The following CDH22 variants were observed in gnomAD, a reference collection of about 807,000 sequenced individuals.
CDH22 encodes cadherin-22.
Under a neutral mutation model 58.4 loss-of-function variants are expected in CDH22, and 30 were observed. That is an observed-to-expected ratio of 0.51 (90% CI 0.38 to 0.70). CDH22 has a LOEUF of 0.70. CDH22 is among the 30% of genes least tolerant of loss of function. The probability of loss-of-function intolerance (pLI) is 0.00; values close to 1 mark genes in which losing one functional copy is unlikely to be tolerated. For synonymous variants in CDH22, 513 were observed against 558.2 expected (o/e 0.92, Z 1.14); for missense variants, 1,014 against 1,233.9 (o/e 0.82, Z 2.67).
rs2085827644 is a variant in CDH22, at chr20:46,186,694, G to A, written c.1557C>T (p.Thr519=). 2 of 1,613,704 alleles carry A rather than the reference G, an allele frequency of 1.2e-6. No individual in the cohort carries two copies. The highest frequency in any genetic ancestry group is 1.7e-5 in the Admixed American group (1 of 59,976). Residue 519 remains threonine (T), a synonymous_variant, in exon 10 of 12, where the codon ACC becomes ACT. Transcript: ENST00000537909. ...GCTCGTCTCTGTCCACCACGCTGATGGTCTGGATGAGCTGAAGGGTGAGGA... is the reference window on the plus strand; with the variant it reads ...GCTCGTCTCTGTCCACCACGCTGATAGTCTGGATGAGCTGAAGGGTGAGGA... ...EDAKPGQLIQ[T]ISVVDRDEPQ...
intron 1 of CDH22, among the ~76,000 whole-genome samples, chr20:46,265,370 A>G (rs1183543934): frequency 6.6e-6 from 1 of 152,142 alleles, no homozygotes; most frequent in Non-Finnish European, 1.5e-5. Context: ...TTCAGCCTTG[A>G]TAATGAAAGC....
In CDH22 at chr20:46,210,791, A is replaced by T. The variant is rs531802706; in HGVS notation, c.1033-231T>A. On this transcript the variant is annotated intron_variant, in intron 6 of 11. Coordinates refer to ENST00000537909, the MANE Select transcript of CDH22 (RefSeq NM_021248.3). The surrounding 1 kb of genome is among the most constrained non-coding windows in gnomAD (Gnocchi z 4.5). The stretch of plus-strand genomic sequence containing the variant: ...TCTTGCCTAAGGACACAGCCACTCC[A>T]GGCTAACGCGCTGAGCACCCAAACT... 1.1e-4 allele frequency among the ~76,000 whole-genome samples: 16 copies of T among 152,336 alleles called. No individual in the cohort carries two copies. In the East Asian group the frequency reaches 2.3e-3, roughly 22 times the overall value.
At chr20:46,207,074 C>T (rs2145682411) in intron 7 of CDH22, among the ~76,000 whole-genome samples, 1 of 152,288 alleles carries the variant, frequency 6.6e-6, no homozygotes, top group South Asian at 2.1e-4. Context: ...CTTGGTGTCC[C>T]CAGGCCTGGC....
intron 1 of CDH22, among the ~76,000 whole-genome samples, chr20:46,296,296 A>G (rs1440071685): frequency 6.6e-6 from 1 of 152,320 alleles, no homozygotes; most frequent in Non-Finnish European, 1.5e-5. Context: ...ACCCACTGTG[A>G]GGACACTATT....
chr20:46,178,156 G>A lies in CDH22; in HGVS notation c.1705C>T (p.Arg569Trp), dbSNP rs1342674990. The A allele has an allele frequency of 2.5e-6, 4 of 1,613,902 alleles. No individual in the cohort carries two copies. The highest frequency in any genetic ancestry group is 1.7e-5 in the Admixed American group (1 of 60,004). Reference protein sequence around the residue: ...AVHTQHVGFNRQEQDVFFLPI... With the variant: ...AVHTQHVGFNWQEQDVFFLPI... ...AGGAAGAACACGTCCTGCTCCTGCC[G>A]GTTGAAGCCCACGTGCTGCGTGTGC... Residue 569 changes from arginine (R) to tryptophan (W), a missense_variant, in exon 11 of 12, where the codon CGG becomes TGG. Around this residue, in one of 2 missense-constraint regions of CDH22, gnomAD observed 806 missense variants for 1,038.7 expected, o/e 0.78. Transcript: ENST00000537909.
intron 3 of CDH22, among the ~76,000 whole-genome samples, chr20:46,236,210 CTCGTGAG>C (rs2086250194): frequency 1.3e-5 from 2 of 152,000 alleles, no homozygotes; most frequent in Non-Finnish European, 2.9e-5. Context: ...CAGCCCAGAC[CTCGTGAG>C]CCAGAAACGC....
intron 4 of CDH22, among the ~76,000 whole-genome samples, chr20:46,220,094 G>A (rs2086112905): frequency 6.6e-6 from 1 of 151,714 alleles, no homozygotes; most frequent in Non-Finnish European, 1.5e-5. Context: ...CAGGAGGAAA[G>A]AGACAGAGAG....
chr20:46,196,028 A>G (rs1486169278), intron 8 of CDH22, among the ~76,000 whole-genome samples: 2 of 152,044 alleles, frequency 1.3e-5, no homozygotes, highest in Non-Finnish European at 2.9e-5. Context: ...AGGAAGCCAA[A>G]TGGACGCTTT....
intron 1 of CDH22, among the ~76,000 whole-genome samples, chr20:46,296,130 T>A (rs1338008888): frequency 6.6e-6 from 1 of 152,176 alleles, no homozygotes; most frequent in Non-Finnish European, 1.5e-5. Flanking sequence ...GCCCTCTTTT[T>A]GTATCTTCGC....
intron 2 of CDH22, among the ~76,000 whole-genome samples, chr20:46,249,100 A>G (rs1423569754): frequency 6.6e-6 from 1 of 152,208 alleles, no homozygotes; most frequent in Non-Finnish European, 1.5e-5. Context: ...TGGCTCTCTG[A>G]GCCCCTGTTT....
intron 7 of CDH22, among the ~76,000 whole-genome samples, chr20:46,201,605 G>A (rs1199310501): frequency 6.6e-6 from 1 of 152,212 alleles, no homozygotes; most frequent in African/African-American, 2.4e-5. Context: ...TAGAGGAGGG[G>A]CGGGCATACA....
At chr20:46,195,371 T>C (rs145521087) in intron 8 of CDH22, among the ~76,000 whole-genome samples, 2 of 152,294 alleles carry the variant, frequency 1.3e-5, no homozygotes, top group Non-Finnish European at 2.9e-5. Context: ...CACAGACCCA[T>C]CTAAAAATCA....
intron 1 of CDH22, among the ~76,000 whole-genome samples, chr20:46,288,746 C>T (rs1258777905): frequency 1.3e-5 from 2 of 152,176 alleles, no homozygotes; most frequent in Admixed American, 1.3e-4. Context: ...ACCCCACATC[C>T]AATCCATCAG....
rs1254357767 is a variant in CDH22, at chr20:46,174,605, C to T, written c.2388G>A (p.Glu796=). The change falls in exon 12 of 12, where the codon GAG becomes GAA. Residue 796 remains glutamate (E), a synonymous_variant. Coordinates refer to ENST00000537909, the MANE Select transcript of CDH22 (RefSeq NM_021248.3). The surrounding 1 kb of genome is among the most constrained non-coding windows in gnomAD (Gnocchi z 4.4). The part of the protein sequence containing the change: ...SSLHSGSSGS[E]QDFAYLSSWG... ...AGCTGCTGAGATAGGCGAAGTCCTG[C>T]TCGGAGCCCGACGAGCCGCTGTGCA... is the stretch of plus-strand genomic sequence containing the variant. The T allele has an allele frequency of 6.5e-6, 10 of 1,537,816 alleles. No homozygotes were observed. In the East Asian group the frequency reaches 2.2e-4, roughly 33 times the overall value.
At chr20:46,297,746 G>C (rs2086635006) in intron 1 of CDH22, among the ~76,000 whole-genome samples, 1 of 151,998 alleles carries the variant, frequency 6.6e-6, no homozygotes, top group South Asian at 2.1e-4. Context: ...AGAAATGGTG[G>C]CTTATGAAGG....
chr20:46,235,163 T>C (rs1023973839), intron 3 of CDH22, among the ~76,000 whole-genome samples: 4 of 152,244 alleles, frequency 2.6e-5, no homozygotes, highest in African/African-American at 9.7e-5. Flanking sequence ...TTGAATTGAA[T>C]TTCTCATTTC....
At chr20:46,283,469 G>A (rs963689446) in intron 1 of CDH22, among the ~76,000 whole-genome samples, 8 of 152,180 alleles carry the variant, frequency 5.3e-5, no homozygotes, top group South Asian at 2.1e-4. Flanking sequence ...ATCACTATGC[G>A]ATGCCTGCCC....
intron 1 of CDH22, among the ~76,000 whole-genome samples, chr20:46,276,221 A>C (rs565290278): frequency 3.3e-4 from 51 of 152,316 alleles, no homozygotes; most frequent in African/African-American, 1.2e-3. Context: ...CTCTGACTGA[A>C]TCTCTGCAGA....
rs1600698434 is a variant in CDH22, at chr20:46,210,630, C to T, written c.1033-70G>A. 1.7e-5 allele frequency: 23 copies of T among 1,363,704 alleles called. No homozygotes were observed. The highest frequency in any genetic ancestry group is 2.2e-5 in the Non-Finnish European group (23 of 1,044,074). 84.5% of individuals were successfully genotyped at this position (1,363,704 alleles called of 1,614,324 possible). ...GACACTGAGGCCTTCACGAGGGAGG[C>T]CAAGGCAGGCGGGGTTGGCCCAAGG... is the stretch of plus-strand genomic sequence containing the variant. On this transcript the variant is annotated intron_variant, in intron 6 of 11. Transcript: ENST00000537909. The surrounding 1 kb of genome is among the most constrained non-coding windows in gnomAD (Gnocchi z 4.5).
Sources: gnomAD v4.1 joint callset for allele counts (sites outside exome capture counted in the v4.1 genomes callset) on GRCh38, gnomAD v4.1.1 for gene constraint, gnomAD v4.1.1 regional missense constraint, Gnocchi (gnomAD v3.1) non-coding constraint, MANE v1.5 for transcripts, NCBI Gene and HGNC (gene_info 2026-07-23, HGNC 2026-07-21) for gene names.